ATP1A2: variants seen among roughly 807,000 people sequenced by gnomAD.
ATP1A2 encodes the protein sodium/potassium-transporting ATPase subunit alpha-2.
A neutral mutation model predicts 113.1 loss-of-function variants in ATP1A2; 56 were observed. The ratio of observed to expected loss-of-function variants is 0.49; its 90% CI spans 0.40 to 0.62. The LOEUF is 0.62. Ranked by LOEUF, ATP1A2 falls within the 20% of genes least tolerant of loss-of-function variation. The pLI, the probability that ATP1A2 is intolerant of heterozygous loss-of-function variation, is 0.00. For synonymous variants in ATP1A2, 490 were observed against 526.8 expected (o/e 0.93, Z 0.96); for missense variants, 712 against 1,357.8 (o/e 0.52, Z 7.47).
intron 1 of ATP1A2, among the ~76,000 whole-genome samples, chr1:160,117,761 G>A (rs1482573965): frequency 6.6e-6 from 1 of 152,192 alleles, no homozygotes; most frequent in Admixed American, 6.5e-5. Flanking sequence ...GGAGTTGGGG[G>A]AAGGGACGAC....
At chr1:160,120,071 G>C (rs1404236003) in intron 1 of ATP1A2, among the ~76,000 whole-genome samples, 1 of 151,814 alleles carries the variant, frequency 6.6e-6, no homozygotes, top group Non-Finnish European at 1.5e-5. Context: ...GGAATGTCTA[G>C]ACTTAAAAAC....
rs369835706 is a variant in ATP1A2 at position 160,135,620 on chromosome 1, G to A, written c.2284+18G>A. 2.5e-6 allele frequency: 4 copies of A among 1,613,064 alleles called. No homozygotes were observed. The highest frequency in any genetic ancestry group is 3.4e-6 in the Non-Finnish European group (4 of 1,180,024). ...GGAGGAGGGTGAGGAGGCTGCATGG[G>A]TTGGGATGGTTTGCAGGATACTGAA... On this transcript the variant is annotated intron_variant, in intron 16 of 22. Coordinates refer to ENST00000361216, the MANE Select transcript of ATP1A2 (RefSeq NM_000702.4). The surrounding 1 kb of genome is among the most constrained non-coding windows in gnomAD (Gnocchi z 6.3).
At chr1:160,138,578 A>G (rs1379058805) in intron 20 of ATP1A2, among the ~76,000 whole-genome samples, 2 of 152,230 alleles carry the variant, frequency 1.3e-5, no homozygotes, top group Non-Finnish European at 1.5e-5. Flanking sequence ...ACAGTGGTTC[A>G]CACCTGTAAT....
At chr1:160,121,350 C>T in intron 3 of ATP1A2, 99 bp downstream of exon 3, 2 of 1,406,978 alleles carry the variant, frequency 1.4e-6, no homozygotes, top group Non-Finnish European at 2.0e-6. Flanking sequence ...GCCTTCTTTA[C>T]AGATGAGGAA....
At chr1:160,117,900 T>C (rs1651241044) in intron 1 of ATP1A2, among the ~76,000 whole-genome samples, 1 of 150,006 alleles carries the variant, frequency 6.7e-6, no homozygotes, top group Non-Finnish European at 1.5e-5. Flanking sequence ...CTCTCTGTTC[T>C]CCTTCAGCAT....
At chr1:160,119,255 G>T (rs1472741016) in intron 1 of ATP1A2, among the ~76,000 whole-genome samples, 1 of 2,640 alleles carries the variant, frequency 3.8e-4, no homozygotes, top group Non-Finnish European at 5.9e-4. Context: ...GCATTATCCT[G>T]CAAAAAAAAA....
intron 17 of ATP1A2, 48 bp from the exon 18 acceptor site, chr1:160,136,199 C>T: frequency 6.2e-7 from 1 of 1,613,540 alleles, no homozygotes; most frequent in Non-Finnish European, 8.5e-7. Context: ...CTGTCATCTC[C>T]TACGTCCCTT....
At chr1:160,139,349 T>C (rs968775835) in intron 20 of ATP1A2, among the ~76,000 whole-genome samples, 7 of 152,122 alleles carry the variant, frequency 4.6e-5, no homozygotes, top group African/African-American at 1.7e-4. Flanking sequence ...ACAGGCCCCA[T>C]GTTGACCACC....
Position 160,119,256 on chromosome 1 carries a change from C to A in ATP1A2, c.13-1650C>A, listed in dbSNP as rs1180846948. ...AAACCCCCAAAACTGCATTATCCTG[C>A]AAAAAAAAAAAAAAAAAAAAAAAAA... is the stretch of plus-strand genomic sequence containing the variant. On this transcript the variant is annotated intron_variant, in intron 1 of 22. Transcript: ENST00000361216. 1.2e-3 allele frequency among the ~76,000 whole-genome samples: 61 copies of A among 49,426 alleles called. 4 individuals are homozygous for A. Among genetic ancestry groups the A allele is most frequent in the African/African-American group, 4.3e-3 (43 of 10,050 alleles). The allele number at this position is 49,426 out of a possible 152,430, so 32.4% of individuals were successfully genotyped here. A position where few individuals can be genotyped will look rare whatever the true frequency, so the allele number is the denominator to read the frequency against.
At chr1:160,137,579 G>A (rs1170157480) in intron 20 of ATP1A2, among the ~76,000 whole-genome samples, 1 of 152,158 alleles carries the variant, frequency 6.6e-6, no homozygotes, top group Non-Finnish European at 1.5e-5. Context: ...GTTAAATGAT[G>A]TGCCCAAGGT....
chr1:160,140,068 C>T lies in ATP1A2; in HGVS notation c.3034+84C>T, dbSNP rs917893293. 19 of 1,355,162 alleles carry T rather than the reference C, an allele frequency of 1.4e-5. No homozygotes were observed. The African/African-American group carries it at 2.7e-4, about 19-fold the overall frequency. 83.9% of individuals were successfully genotyped at this position (1,355,162 alleles called of 1,614,324 possible). ...CAGGACCACACGCAGACTCCACTCC[C>T]ACTACTGGTTCCTGCTTCTGTTCCT... On this transcript the variant is annotated intron_variant, in intron 22 of 22. Transcript: ENST00000361216.
chr1:160,128,421 C>G, intron 8 of ATP1A2: 1 of 1,294,094 alleles, frequency 7.7e-7, no homozygotes. Context: ...CTGGCCCTCT[C>G]TGGAGCTCTA....
rs550943274 is a variant in ATP1A2 at position 160,128,161 on chromosome 1, C to A, written c.1017+341C>A. ...AGCAAATCCAGGGACCTTTTCTCAG[C>A]TCTCCTCCCTAACTCTGCTGCTGAA... On this transcript the variant is annotated intron_variant, in intron 8 of 22. Transcript: ENST00000361216. Among the ~76,000 whole-genome samples, 6 of 152,266 alleles carry A rather than the reference C, an allele frequency of 3.9e-5. No homozygotes were observed. In the South Asian group the frequency reaches 1.2e-3, roughly 32 times the overall value.
intron 5 of ATP1A2, 32 bp downstream of exon 5, chr1:160,124,088 C>T: frequency 6.2e-7 from 1 of 1,610,636 alleles, no homozygotes; most frequent in Non-Finnish European, 8.5e-7. Context: ...CTGGGCTAGG[C>T]TGTAAGGTTT....
In ATP1A2 at chr1:160,136,561, T is replaced by G; in HGVS notation, c.2564-9T>G. On this transcript the variant is annotated splice_polypyrimidine_tract_variant and intron_variant, in intron 18 of 22. Transcript: ENST00000361216. ...GACCCTGCCCCTGCCTTTGGCCCTC[T>G]ACCCACAGGGATGATCCAGGCACTG... 1 of 1,614,224 alleles carries G rather than the reference T, an allele frequency of 6.2e-7. No homozygotes were observed. The highest frequency in any genetic ancestry group is 8.5e-7 in the Non-Finnish European group (1 of 1,180,024).
At chr1:160,123,546 C>T (rs544798328) in intron 4 of ATP1A2, 130 bp downstream of exon 4, 3 of 1,203,094 alleles carry the variant, frequency 2.5e-6, no homozygotes, top group Admixed American at 3.8e-5. Context: ...GCATCTTAGG[C>T]TGGAAAGGGG....
At position 160,141,651 on chromosome 1, in the gene ATP1A2, C is replaced by T. The variant is rs1227297223; in HGVS notation, c.*329C>T. Reference sequence around the variant, plus strand: ...ACTCCCATCCCTTCAACCCCACTTCCTACTGTAATAGATCAGCATCCAAAA... The same window carrying T: ...ACTCCCATCCCTTCAACCCCACTTCTTACTGTAATAGATCAGCATCCAAAA... On this transcript the variant is annotated 3_prime_UTR_variant, in exon 23 of 23. Coordinates refer to ENST00000361216, the MANE Select transcript of ATP1A2 (RefSeq NM_000702.4). 1.0e-5 allele frequency: 4 copies of T among 398,064 alleles called. No individual in the cohort carries two copies. The highest frequency in any genetic ancestry group is 1.4e-5 in the Non-Finnish European group (3 of 210,436). 24.7% of individuals were successfully genotyped at this position (398,064 alleles called of 1,614,324 possible). A position where few individuals can be genotyped will look rare whatever the true frequency, so the allele number is the denominator to read the frequency against.
chr1:160,121,134 AC>A, intron 2 of ATP1A2, 57 bp from the exon 3 acceptor site: 1 of 1,601,206 alleles, frequency 6.2e-7, no homozygotes, highest in East Asian at 2.2e-5. Context: ...GCCCTGCAGT[AC>A]CCTCATATGC....
rs560998355 is a variant in ATP1A2 at position 160,124,201 on chromosome 1, G to C, written c.496-95G>C. The C allele has an allele frequency of 3.2e-6, 5 of 1,552,698 alleles. 1 individual carries two copies. In the South Asian group the frequency reaches 5.9e-5, roughly 18 times the overall value. ...CATGCCAGCACCTAATTGTTTATGGGGCTTCTCCTTCTGCTTGACGGTGTG... is the reference window on the plus strand; with the variant it reads ...CATGCCAGCACCTAATTGTTTATGGCGCTTCTCCTTCTGCTTGACGGTGTG... On this transcript the variant is annotated intron_variant, in intron 5 of 22. Transcript: ENST00000361216.
Sources: gnomAD v4.1 joint callset for allele counts (sites outside exome capture counted in the v4.1 genomes callset) on GRCh38, gnomAD v4.1.1 for gene constraint, Gnocchi (gnomAD v3.1) non-coding constraint, MANE v1.5 for transcripts, NCBI Gene and HGNC (gene_info 2026-07-23, HGNC 2026-07-21) for gene names.